The following ICA1 variants were observed in gnomAD, a reference collection of about 807,000 sequenced individuals.
The protein encoded by ICA1 is islet cell autoantigen 1.
ICA1 carries 40 observed loss-of-function variants against 71.0 expected under a neutral mutation model. The observed-to-expected ratio is 0.56, with a 90% CI of 0.44 to 0.73. The LOEUF is 0.73. Among genes scored for constraint, ICA1 ranks in the 30% least tolerant of loss-of-function variants. The pLI, the probability that ICA1 is intolerant of heterozygous loss-of-function variation, is 0.00. For missense variants in ICA1, 578 were observed against 576.5 expected (o/e 1.00, Z -0.03); for synonymous variants, 207 against 209.5 (o/e 0.99, Z 0.10).
intron 6 of ICA1, among the ~76,000 whole-genome samples, chr7:8,187,518 T>C (rs988055167): frequency 1.3e-5 from 2 of 152,382 alleles, no homozygotes; most frequent in East Asian, 1.9e-4. Context: ...TACACTACTT[T>C]AGACTGCATA....
intron 6 of ICA1, among the ~76,000 whole-genome samples, chr7:8,192,749 G>T (rs1027678552): frequency 2.0e-5 from 3 of 152,022 alleles, no homozygotes; most frequent in African/African-American, 7.2e-5. Flanking sequence ...TCCTTTGTTT[G>T]TTTATATCAA....
intron 6 of ICA1, among the ~76,000 whole-genome samples, chr7:8,163,382 T>C (rs1254173462): frequency 6.6e-6 from 1 of 152,248 alleles, no homozygotes; most frequent in African/African-American, 2.4e-5. Context: ...AATAAAACAA[T>C]GATTCTACTC....
intron 1 of ICA1, among the ~76,000 whole-genome samples, chr7:8,238,035 T>C (rs1334414838): frequency 6.6e-6 from 1 of 152,150 alleles, no homozygotes; most frequent in Non-Finnish European, 1.5e-5. Context: ...CATAATAATA[T>C]TGATAAGAAA....
chr7:8,190,460 G>A (rs1459216244), intron 6 of ICA1, among the ~76,000 whole-genome samples: 1 of 152,212 alleles, frequency 6.6e-6, no homozygotes, highest in African/African-American at 2.4e-5. Context: ...CGTTACAGTA[G>A]AGAAATCAAT....
intron 13 of ICA1, among the ~76,000 whole-genome samples, chr7:8,119,716 G>T (rs1786098449): frequency 6.6e-6 from 1 of 152,060 alleles, no homozygotes; most frequent in African/African-American, 2.4e-5. Flanking sequence ...TGTGGTGGCG[G>T]GCACCTGTAA....
chr7:8,181,364 C>A (rs1171900639), intron 6 of ICA1, among the ~76,000 whole-genome samples: 2 of 152,174 alleles, frequency 1.3e-5, no homozygotes, highest in Admixed American at 6.5e-5. Flanking sequence ...CAATGCCACA[C>A]TGCCTTAATT....
intron 8 of ICA1, chr7:8,156,861 C>A: frequency 6.6e-7 from 1 of 1,506,838 alleles, no homozygotes; most frequent in South Asian, 1.3e-5. Flanking sequence ...ACATGTATCT[C>A]AAGGTTCAAG....
intron 8 of ICA1, among the ~76,000 whole-genome samples, chr7:8,152,000 T>A (rs541481869): frequency 1.4e-4 from 21 of 152,328 alleles, no homozygotes; most frequent in Admixed American, 9.8e-4. Flanking sequence ...TAAAGCCAAA[T>A]TGCATTTTTT....
intron 6 of ICA1, among the ~76,000 whole-genome samples, chr7:8,184,886 C>A (rs964227196): frequency 1.9e-4 from 29 of 152,084 alleles, no homozygotes; most frequent in African/African-American, 6.5e-4. Context: ...ACCAGCCTGG[C>A]CAACATGGTG....
At chr7:8,228,543 CA>C in intron 4 of ICA1, 57 bp downstream of exon 4, 2 of 1,091,100 alleles carry the variant, frequency 1.8e-6, no homozygotes, top group Non-Finnish European at 2.7e-6. Context: ...TGTATCAAGA[CA>C]AAATACCCTG....
At chr7:8,211,246 T>C (rs1793690423) in intron 6 of ICA1, among the ~76,000 whole-genome samples, 1 of 152,180 alleles carries the variant, frequency 6.6e-6, no homozygotes, top group African/African-American at 2.4e-5. Context: ...GCAGTAAATA[T>C]GGTAACTATA....
intron 5 of ICA1, among the ~76,000 whole-genome samples, chr7:8,220,872 T>G (rs1372921572): frequency 1.3e-5 from 2 of 152,028 alleles, no homozygotes; most frequent in Non-Finnish European, 2.9e-5. Flanking sequence ...CTGAAGTTAA[T>G]TGGTCCACAG....
Position 8,232,656 on chromosome 7 carries a change from T to G in ICA1, c.117A>C (p.Lys39Asn). The part of the protein sequence containing the change: ...KYWETKQAFI[K>N]ATGKKEDEHV... ...GTTCATCTTCCTTCTTCCCTGTGGC[T>G]TTAATAAAGGCCTGCTTCGTCTCCC... The change falls in exon 3 of 14, where the codon AAA (lysine) becomes AAC (asparagine). Residue 39 changes from lysine (K) to asparagine (N), a missense_variant. Transcript: ENST00000402384. 6.2e-7 allele frequency: 1 copy of G among 1,613,688 alleles called. No homozygotes were observed. Among genetic ancestry groups the G allele is most frequent in the Non-Finnish European group, 8.5e-7 (1 of 1,179,774 alleles).
chr7:8,131,369 CA>C (rs1209704981), intron 12 of ICA1, among the ~76,000 whole-genome samples: 2 of 152,176 alleles, frequency 1.3e-5, no homozygotes, highest in African/African-American at 4.8e-5. Flanking sequence ...CACTTGCAAT[CA>C]GAAAACTTTT....
intron 6 of ICA1, among the ~76,000 whole-genome samples, chr7:8,184,096 T>C (rs1374007698): frequency 6.6e-6 from 1 of 152,268 alleles, no homozygotes; most frequent in Admixed American, 6.5e-5. Flanking sequence ...TGCTAGCATC[T>C]TCTGCATACA....
intron 5 of ICA1, among the ~76,000 whole-genome samples, chr7:8,219,159 G>T (rs191276649): frequency 1.1e-4 from 17 of 152,172 alleles, no homozygotes; most frequent in African/African-American, 4.1e-4. Flanking sequence ...TTATAATGTT[G>T]GCTATAACAT....
At chr7:8,153,526 C>T (rs773067610) in intron 8 of ICA1, among the ~76,000 whole-genome samples, 3 of 151,996 alleles carry the variant, frequency 2.0e-5, no homozygotes, top group Non-Finnish European at 2.9e-5. Context: ...AATGTCTGCT[C>T]GGCATCTGTG....
At chr7:8,196,420 G>A (rs1787599942) in intron 6 of ICA1, among the ~76,000 whole-genome samples, 1 of 152,210 alleles carries the variant, frequency 6.6e-6, no homozygotes, top group Non-Finnish European at 1.5e-5. Flanking sequence ...TATGCTACTA[G>A]AATGGTGGGT....
intron 6 of ICA1, among the ~76,000 whole-genome samples, chr7:8,170,468 TC>T (rs1241553542): frequency 6.6e-6 from 1 of 151,974 alleles, no homozygotes; most frequent in Non-Finnish European, 1.5e-5. Flanking sequence ...AGGAATGCAT[TC>T]TCTCTCTCCA....
Sources: gnomAD v4.1 joint callset for allele counts (sites outside exome capture counted in the v4.1 genomes callset) on GRCh38, gnomAD v4.1.1 for gene constraint, MANE v1.5 for transcripts, NCBI Gene and HGNC (gene_info 2026-07-23, HGNC 2026-07-21) for gene names.